Variants in ASIC2 observed in about 807,000 individuals in gnomAD.
The protein encoded by ASIC2 is acid sensing ion channel subunit 2, also known as acid-sensing ion channel 2.
Under a neutral mutation model 57.3 loss-of-function variants are expected in ASIC2, and 25 were observed. That is an observed-to-expected ratio of 0.44 (90% CI 0.32 to 0.61). ASIC2 has a LOEUF of 0.61. Ranked by LOEUF, ASIC2 falls within the 20% of genes least tolerant of loss-of-function variation. The pLI, the probability that ASIC2 is intolerant of heterozygous loss-of-function variation, is 0.06. For missense variants in ASIC2, 641 were observed against 738.1 expected, an observed-to-expected ratio of 0.87 and a Z score of 1.52; for synonymous variants, 319 against 307.5, an observed-to-expected ratio of 1.04 and a Z score of -0.39.
intron 1 of ASIC2, among the ~76,000 whole-genome samples, chr17:33,796,942 A>C (rs1184636793): frequency 6.6e-6 from 1 of 152,132 alleles, no homozygotes; most frequent in Non-Finnish European, 1.5e-5. Context: ...TTATACATAG[A>C]GACTCAAGTA....
chr17:33,609,325 G>A (rs533601942), intron 1 of ASIC2, among the ~76,000 whole-genome samples: 1 of 152,082 alleles, frequency 6.6e-6, no homozygotes, highest in Non-Finnish European at 1.5e-5. Context: ...GCCTGCTCCC[G>A]CTCCACTCCT....
intron 1 of ASIC2, among the ~76,000 whole-genome samples, chr17:33,690,477 G>A (rs541723030): frequency 2.6e-5 from 4 of 152,286 alleles, no homozygotes; most frequent in African/African-American, 9.6e-5. Flanking sequence ...TAGTATGATG[G>A]CTGGGTTGTA....
chr17:33,362,852 G>A (rs1908664127), intron 1 of ASIC2, among the ~76,000 whole-genome samples: 1 of 152,220 alleles, frequency 6.6e-6, no homozygotes, highest in African/African-American at 2.4e-5. Context: ...AATGGAGGGA[G>A]GCAGACATGG....
chr17:33,269,693 G>T (rs115435419), intron 1 of ASIC2, among the ~76,000 whole-genome samples: 3,110 of 29,254 alleles, frequency 0.11, 235 homozygotes, highest in African/African-American at 0.26. Context: ...CCTCCTGCCT[G>T]CCTGCCTGCC....
chr17:33,027,772 T>C (rs372901232), intron 4 of ASIC2, among the ~76,000 whole-genome samples: 1 of 152,262 alleles, frequency 6.6e-6, no homozygotes, highest in African/African-American at 2.4e-5. Flanking sequence ...CATGCATTGT[T>C]AGTCTGACAA....
intron 1 of ASIC2, among the ~76,000 whole-genome samples, chr17:33,346,439 A>C (rs1196836041): frequency 1.3e-5 from 2 of 152,050 alleles, no homozygotes; most frequent in Non-Finnish European, 2.9e-5. Context: ...GTATTTTCTG[A>C]GATAGAAAGA....
intron 1 of ASIC2, among the ~76,000 whole-genome samples, chr17:33,513,062 C>T (rs957635408): frequency 1.2e-4 from 18 of 152,272 alleles, no homozygotes; most frequent in Non-Finnish European, 1.6e-4. Context: ...TACAAAGTAA[C>T]GGAATTTTCA....
chr17:33,933,135 T>G (rs1412297283), intron 1 of ASIC2, among the ~76,000 whole-genome samples: 1 of 152,252 alleles, frequency 6.6e-6, no homozygotes, highest in East Asian at 1.9e-4. Flanking sequence ...TAGCCAGCCA[T>G]GCCCATCACA....
intron 1 of ASIC2, among the ~76,000 whole-genome samples, chr17:33,181,691 A>C (rs1905989070): frequency 6.6e-6 from 1 of 152,212 alleles, no homozygotes; most frequent in African/African-American, 2.4e-5. Flanking sequence ...GGATGATCTC[A>C]TGCTGAGATC....
At chr17:33,114,504 A>G (rs942988027) in intron 1 of ASIC2, among the ~76,000 whole-genome samples, 1 of 152,232 alleles carries the variant, frequency 6.6e-6, no homozygotes, top group Non-Finnish European at 1.5e-5. Context: ...AGGGATTTGC[A>G]AGCAAAAGTA....
chr17:33,383,036 C>CAA (rs1349058165), intron 1 of ASIC2, among the ~76,000 whole-genome samples: 5 of 151,786 alleles, frequency 3.3e-5, no homozygotes, highest in African/African-American at 1.2e-4. Context: ...AAAAAACAAA[C>CAA]AAACAAACAA....
chr17:33,082,626 GA>G (rs1230391141), intron 3 of ASIC2, among the ~76,000 whole-genome samples: 3 of 152,048 alleles, frequency 2.0e-5, no homozygotes, highest in Non-Finnish European at 4.4e-5. Flanking sequence ...TTGAACTCAG[GA>G]GGTGGAGGTT....
chr17:33,306,979 C>A (rs8081233), intron 1 of ASIC2, among the ~76,000 whole-genome samples: 39,187 of 151,502 alleles, frequency 0.26, 6,195 homozygotes, highest in African/African-American at 0.44. Context: ...CTGTATATAT[C>A]TATATATTAT....
intron 1 of ASIC2, among the ~76,000 whole-genome samples, chr17:33,729,969 T>C (rs973217904): frequency 6.6e-6 from 1 of 152,218 alleles, no homozygotes; most frequent in African/African-American, 2.4e-5. Context: ...GAGTCCATGA[T>C]CTTCCCACAC....
intron 1 of ASIC2, among the ~76,000 whole-genome samples, chr17:33,893,282 G>T (rs536333659): frequency 6.6e-6 from 1 of 152,088 alleles, no homozygotes; most frequent in Non-Finnish European, 1.5e-5. Context: ...CTGCCACATG[G>T]TGCTTGCAGG....
At chr17:33,890,407 C>G (rs1914933990) in intron 1 of ASIC2, among the ~76,000 whole-genome samples, 1 of 152,230 alleles carries the variant, frequency 6.6e-6, no homozygotes, top group South Asian at 2.1e-4. Flanking sequence ...CAGCTGCATT[C>G]TACCCAATAA....
intron 1 of ASIC2, among the ~76,000 whole-genome samples, chr17:33,742,846 G>C (rs955927349): frequency 6.6e-6 from 1 of 152,224 alleles, no homozygotes; most frequent in African/African-American, 2.4e-5. Flanking sequence ...TGGGTGCAGG[G>C]TGGCATGATC....
At chr17:33,768,523 C>T (rs1029747936) in intron 1 of ASIC2, among the ~76,000 whole-genome samples, 1 of 152,020 alleles carries the variant, frequency 6.6e-6, no homozygotes, top group South Asian at 2.1e-4. Context: ...ATTTTCTATC[C>T]GTTGGAAATT....
intron 1 of ASIC2, among the ~76,000 whole-genome samples, chr17:33,372,793 T>C (rs1275586977): frequency 6.6e-6 from 1 of 152,174 alleles, no homozygotes; most frequent in African/African-American, 2.4e-5. Flanking sequence ...CCACGCATTG[T>C]CTGCACCTCA....
Sources: gnomAD v4.1 joint callset for allele counts (sites outside exome capture counted in the v4.1 genomes callset) on GRCh38, gnomAD v4.1.1 for gene constraint, MANE v1.5 for transcripts, NCBI Gene and HGNC (gene_info 2026-07-23, HGNC 2026-07-21) for gene names.